The following POU6F2 variants were observed in gnomAD, a reference collection of about 807,000 sequenced individuals.
POU6F2 encodes the protein POU domain, class 6, transcription factor 2.
POU6F2 carries 31 observed loss-of-function variants against 71.3 expected under a neutral mutation model. The observed-to-expected ratio is 0.43, with a 90% CI of 0.33 to 0.59. The LOEUF is 0.59. Among genes scored for constraint, POU6F2 ranks in the 20% least tolerant of loss-of-function variants. The pLI is 0.04. For missense variants in POU6F2, 783 were observed against 856.8 expected (o/e 0.91, Z 1.07); for synonymous variants, 347 against 355.7 (o/e 0.98, Z 0.27).
Position 39,103,372 on chromosome 7 carries a change from G to A in POU6F2, c.277+17341G>A, listed in dbSNP as rs144156915. ...GGCAAATGACTCCTCTCCCATTGGA[G>A]GGAGATGGAGTCTTGGTGGGACGAT... On this transcript the variant is annotated intron_variant, in intron 2 of 9. Coordinates refer to ENST00000518318, the MANE Select transcript of POU6F2 (RefSeq NM_001370959.1). Among the ~76,000 whole-genome samples the A allele has an allele frequency of 2.1e-4, 32 of 152,300 alleles. 2 individuals carry two copies. In the East Asian group the frequency reaches 6.0e-3, roughly 28 times the overall value.
chr7:39,454,233 G>A (rs535702159), intron 8 of POU6F2, among the ~76,000 whole-genome samples: 1 of 152,244 alleles, frequency 6.6e-6, no homozygotes, highest in South Asian at 2.1e-4. Flanking sequence ...TAGAGTTGGA[G>A]TGCACCACTC....
At chr7:39,002,298 T>C (rs991831203) in intron 1 of POU6F2, among the ~76,000 whole-genome samples, 1 of 152,124 alleles carries the variant, frequency 6.6e-6, no homozygotes, top group African/African-American at 2.4e-5. Context: ...TTTGTTAATA[T>C]AAGGTTGATT....
chr7:39,026,825 C>A (rs553614802), intron 1 of POU6F2, among the ~76,000 whole-genome samples: 1 of 152,082 alleles, frequency 6.6e-6, no homozygotes, highest in East Asian at 1.9e-4. Context: ...TTGATAGTCC[C>A]AGAAAAGATA....
At chr7:39,392,877 G>A (rs1381692364) in intron 5 of POU6F2, among the ~76,000 whole-genome samples, 4 of 152,146 alleles carry the variant, frequency 2.6e-5, no homozygotes, top group Non-Finnish European at 5.9e-5. Flanking sequence ...AATAGTCACA[G>A]GATTGCCAAA....
At chr7:39,306,751 A>G (rs1285168036) in intron 4 of POU6F2, among the ~76,000 whole-genome samples, 2 of 152,336 alleles carry the variant, frequency 1.3e-5, no homozygotes, top group African/African-American at 2.4e-5. Context: ...CAAATAAAAG[A>G]TATGCTATTT....
chr7:39,330,812 T>C (rs1412640379), intron 4 of POU6F2, among the ~76,000 whole-genome samples: 1 of 152,240 alleles, frequency 6.6e-6, no homozygotes, highest in Non-Finnish European at 1.5e-5. Flanking sequence ...CTCTTCTAGC[T>C]ACTTTGTAAT....
At chr7:39,068,098 G>A (rs916069249) in intron 1 of POU6F2, among the ~76,000 whole-genome samples, 3 of 151,992 alleles carry the variant, frequency 2.0e-5, no homozygotes, top group African/African-American at 7.2e-5. Flanking sequence ...AGATTGCCTG[G>A]TTTTTTGATA....
At chr7:39,329,590 G>A (rs1318741905) in intron 4 of POU6F2, among the ~76,000 whole-genome samples, 1 of 152,172 alleles carries the variant, frequency 6.6e-6, no homozygotes, top group Non-Finnish European at 1.5e-5. Context: ...ATGATTCACT[G>A]GTGTTGGGAG....
In POU6F2 at chr7:38,994,740, C is replaced by CCTCCTCACTTCAGAGCTCTACTTTGCT. The variant is rs1366383843; in HGVS notation, c.105+16692_105+16718dup. Reference sequence around the variant, plus strand: ...CCCTCCCTGGTTCCCTGGTTCAGTCCCTCCTCACTTCAGAGCTCTACTTTG... The same window carrying CCTCCTCACTTCAGAGCTCTACTTTGCT: ...CCCTCCCTGGTTCCCTGGTTCAGTCCCTCCTCACTTCAGAGCTCTACTTTGCTCTCCTCACTTCAGAGCTCTACTTTG... On this transcript the variant is annotated intron_variant, in intron 1 of 9. Transcript: ENST00000518318. Among the ~76,000 whole-genome samples, 852 of 152,102 alleles carry CCTCCTCACTTCAGAGCTCTACTTTGCT rather than the reference C, an allele frequency of 5.6e-3. 10 individuals carry two copies. Among genetic ancestry groups the CCTCCTCACTTCAGAGCTCTACTTTGCT allele is most frequent in the African/African-American group, 0.019 (779 of 41,464 alleles).
intron 4 of POU6F2, among the ~76,000 whole-genome samples, chr7:39,222,213 A>G (rs1428140854): frequency 6.6e-6 from 1 of 152,222 alleles, no homozygotes; most frequent in East Asian, 1.9e-4. Flanking sequence ...GCTTCCAATA[A>G]TTCCACAAAG....
At chr7:39,138,153 C>T (rs182256845) in intron 2 of POU6F2, among the ~76,000 whole-genome samples, 35 of 152,338 alleles carry the variant, frequency 2.3e-4, no homozygotes, top group African/African-American at 3.6e-4. Context: ...TTATAAACCT[C>T]TGTTTCCTTA....
intron 4 of POU6F2, among the ~76,000 whole-genome samples, chr7:39,247,523 CAAGT>C (rs35191889): frequency 0.54 from 81,426 of 151,582 alleles, 22,162 homozygotes; most frequent in East Asian, 0.84. Context: ...AGCAAGCAAA[CAAGT>C]AAGCGGAGGC....
At chr7:39,263,563 T>C (rs910705573) in intron 4 of POU6F2, among the ~76,000 whole-genome samples, 4 of 152,128 alleles carry the variant, frequency 2.6e-5, no homozygotes, top group Admixed American at 1.3e-4. Flanking sequence ...CAAAGAAAAA[T>C]AGAAAAAGTC....
chr7:39,360,382 C>G (rs1194477405), intron 5 of POU6F2, among the ~76,000 whole-genome samples: 1 of 152,160 alleles, frequency 6.6e-6, no homozygotes, highest in East Asian at 1.9e-4. Context: ...AAGCCATACA[C>G]AGTTGTTAAA....
intron 5 of POU6F2, among the ~76,000 whole-genome samples, chr7:39,377,399 G>C (rs755840501): frequency 6.6e-6 from 1 of 152,056 alleles, no homozygotes; most frequent in Admixed American, 6.6e-5. Flanking sequence ...CCAAAGTGCC[G>C]GGATTACAGG....
At chr7:39,327,804 A>AC (rs913546580) in intron 4 of POU6F2, among the ~76,000 whole-genome samples, 95 of 148,594 alleles carry the variant, frequency 6.4e-4, no homozygotes, top group Middle Eastern at 3.5e-3. Context: ...TTCTAAGTGG[A>AC]CCCCCCCGCC....
chr7:39,443,307 C>T (rs868122739), intron 7 of POU6F2, among the ~76,000 whole-genome samples: 10 of 152,214 alleles, frequency 6.6e-5, no homozygotes, highest in Non-Finnish European at 1.0e-4. Context: ...TCCCAAAGAG[C>T]GGGCTCCCTT....
At position 39,176,178 on chromosome 7, in the gene POU6F2, A is replaced by G. The variant is rs147965461; in HGVS notation, c.278-28057A>G. Among the ~76,000 whole-genome samples, 79 of 152,012 alleles carry G rather than the reference A, an allele frequency of 5.2e-4. 1 individual carries two copies. In the East Asian group the frequency reaches 0.015, roughly 29 times the overall value. ...CTCCATGCAGGACCCAGTCTCCTCT[A>G]CCACCTGCTGTGAATTTGTTCTTGG... On this transcript the variant is annotated intron_variant, in intron 2 of 9. Transcript: ENST00000518318.
At chr7:39,120,827 C>T (rs1227357455) in intron 2 of POU6F2, 5 of 152,266 alleles carry the variant, frequency 3.3e-5, no homozygotes, top group African/African-American at 1.2e-4. Flanking sequence ...TTATACTTTT[C>T]AAAAGCCTTG....
Sources: gnomAD v4.1 joint callset for allele counts (sites outside exome capture counted in the v4.1 genomes callset) on GRCh38, gnomAD v4.1.1 for gene constraint, MANE v1.5 for transcripts, NCBI Gene and HGNC (gene_info 2026-07-23, HGNC 2026-07-21) for gene names.